PCDHGA4: variants seen among roughly 807,000 people sequenced by gnomAD.
The protein encoded by PCDHGA4 is protocadherin gamma subfamily A, 4.
A neutral mutation model predicts 54.6 loss-of-function variants in PCDHGA4; 38 were observed. The ratio of observed to expected loss-of-function variants is 0.70; its 90% CI spans 0.54 to 0.91. PCDHGA4 has a LOEUF of 0.91. PCDHGA4 is among the 40% of genes least tolerant of loss of function. The pLI, the probability that PCDHGA4 is intolerant of heterozygous loss-of-function variation, is 0.00. For missense variants in PCDHGA4, 1,298 were observed against 1,220.9 expected, an observed-to-expected ratio of 1.06 and a Z score of -0.94; for synonymous variants, 511 against 512.9, an observed-to-expected ratio of 1.00 and a Z score of 0.05.
intron 1 of PCDHGA4, among the ~76,000 whole-genome samples, chr5:141,363,049 C>G (rs1004145167): frequency 2.6e-5 from 4 of 152,206 alleles, no homozygotes; most frequent in Admixed American, 1.3e-4. Flanking sequence ...AAGACCAACA[C>G]TCAGTAAGCT....
intron 1 of PCDHGA4, among the ~76,000 whole-genome samples, chr5:141,438,619 TATATATATATATATATAC>T (rs1380852637): frequency 0.021 from 829 of 39,644 alleles, 15 homozygotes; most frequent in East Asian, 0.054. Context: ...TATATATATA[TATATATATATATATATAC>T]ACACACACAC....
intron 1 of PCDHGA4, chr5:141,413,602 G>A (rs1561743581): frequency 6.2e-7 from 1 of 1,613,860 alleles, no homozygotes; most frequent in Non-Finnish European, 8.5e-7. Flanking sequence ...AGAAAATCTA[G>A]ACGTAAAAAT....
chr5:141,403,687 G>A, intron 1 of PCDHGA4: 1 of 1,613,872 alleles, frequency 6.2e-7, no homozygotes, highest in East Asian at 2.2e-5. Context: ...TTGCTCAACG[G>A]ATTTACCGAG....
chr5:141,380,369 A>G (rs1776432009), intron 1 of PCDHGA4, among the ~76,000 whole-genome samples: 1 of 152,238 alleles, frequency 6.6e-6, no homozygotes, highest in Non-Finnish European at 1.5e-5. Context: ...TAGAAAAAAA[A>G]GTCCCAAAAA....
chr5:141,408,641 T>C, intron 1 of PCDHGA4: 1 of 1,614,034 alleles, frequency 6.2e-7, no homozygotes, highest in Non-Finnish European at 8.5e-7. Context: ...CGAATCTGCA[T>C]CCGCTGGTAC....
rs762926348 is a variant in PCDHGA4, at chr5:141,408,364, A to C, written c.2514+50743A>C. ...TGGTGGGGAACCTCGCTAAGGATCTAGGGCTCAGTGTCCTGGATGTGTCGG... is the reference window on the plus strand; with the variant it reads ...TGGTGGGGAACCTCGCTAAGGATCTCGGGCTCAGTGTCCTGGATGTGTCGG... On this transcript the variant is annotated intron_variant, in intron 1 of 3. Transcript: ENST00000571252. 3.7e-6 allele frequency: 6 copies of C among 1,613,960 alleles called. No individual in the cohort carries two copies. In the East Asian group the frequency reaches 1.3e-4, roughly 36 times the overall value.
chr5:141,489,425 G>T lies in PCDHGA4; in HGVS notation c.2515-5382G>T, dbSNP rs779739693. 6.2e-7 allele frequency: 1 copy of T among 1,614,118 alleles called. No homozygotes were observed. The highest frequency in any genetic ancestry group is 8.5e-7 in the Non-Finnish European group (1 of 1,180,030). The stretch of plus-strand genomic sequence containing the variant: ...TTAAAGATGACAGATCTGTTGAGCC[G>T]GCGGCTGCAATTGGGCTCTGAGGAG... On this transcript the variant is annotated intron_variant, in intron 1 of 3. Transcript: ENST00000571252. This position sits in a 1 kb window ranked among gnomAD's most constrained non-coding sequence, Gnocchi z 4.5.
In PCDHGA4 at chr5:141,415,715, T is replaced by G. The variant is rs1051923200; in HGVS notation, c.2514+58094T>G. 4 of 1,428,132 alleles carry G rather than the reference T, an allele frequency of 2.8e-6. No individual in the cohort carries two copies. In the African/African-American group the frequency reaches 4.5e-5, roughly 16 times the overall value. The allele number at this position is 1,428,132 out of a possible 1,614,324, so 88.5% of individuals were successfully genotyped here. Reference sequence around the variant, plus strand: ...GAAAGTGTAAATGCTAAAACACTGATGAGTAGAATTTGATGTTTATTAAGG... The same window carrying G: ...GAAAGTGTAAATGCTAAAACACTGAGGAGTAGAATTTGATGTTTATTAAGG... On this transcript the variant is annotated intron_variant, in intron 1 of 3. Transcript: ENST00000571252.
chr5:141,415,017 G>A lies in PCDHGA4; in HGVS notation c.2514+57396G>A, dbSNP rs1344566574. ...CCTGGCTGTCCTACCGTCTGCTCAA[G>A]GCCAGCGAGCCGGGACTCTTCGCGG... On this transcript the variant is annotated intron_variant, in intron 1 of 3. Transcript: ENST00000571252. The A allele has an allele frequency of 1.9e-6, 3 of 1,613,574 alleles. No homozygotes were observed. In the Admixed American group the frequency reaches 5.0e-5, roughly 27 times the overall value.
intron 1 of PCDHGA4, chr5:141,388,774 G>A: frequency 3.1e-6 from 5 of 1,613,878 alleles, no homozygotes; most frequent in Non-Finnish European, 4.2e-6. Flanking sequence ...TCTAACACCG[G>A]GGAAATTACT....
intron 1 of PCDHGA4, among the ~76,000 whole-genome samples, chr5:141,401,891 T>C (rs1196463391): frequency 6.6e-6 from 1 of 152,200 alleles, no homozygotes; most frequent in Non-Finnish European, 1.5e-5. Context: ...TTTTGTGTTC[T>C]TTTTCCCAAA....
chr5:141,485,525 C>A lies in PCDHGA4; in HGVS notation c.2515-9282C>A. On this transcript the variant is annotated intron_variant, in intron 1 of 3. Transcript: ENST00000571252. This position sits in a 1 kb window ranked among gnomAD's most constrained non-coding sequence, Gnocchi z 5.7. ...CACCGAAGGTCCTTTGGAAATGTAC[C>A]GAGCAGAGGTAGAGATCGTAGATGT... The A allele has an allele frequency of 5.6e-6, 9 of 1,614,122 alleles. No individual in the cohort carries two copies. Among genetic ancestry groups the A allele is most frequent in the Non-Finnish European group, 7.6e-6 (9 of 1,180,022 alleles).
chr5:141,364,605 G>C (rs1380468665), intron 1 of PCDHGA4: 7 of 1,614,186 alleles, frequency 4.3e-6, no homozygotes, highest in South Asian at 1.1e-5. Flanking sequence ...AGGATAGACC[G>C]GGAGGAGCTC....
Position 141,493,775 on chromosome 5 carries a change from G to A in PCDHGA4, c.2515-1032G>A, listed in dbSNP as rs1434978072. ...CCTTGAGTGAGCCACTGGCAGTTCCGGAGCTTCCTTCTCCCTGGAGTAATC... is the reference window on the plus strand; with the variant it reads ...CCTTGAGTGAGCCACTGGCAGTTCCAGAGCTTCCTTCTCCCTGGAGTAATC... On this transcript the variant is annotated intron_variant, in intron 1 of 3. Coordinates refer to ENST00000571252, the MANE Select transcript of PCDHGA4 (RefSeq NM_018917.4). The surrounding 1 kb of genome is among the most constrained non-coding windows in gnomAD (Gnocchi z 4.3). Among the ~76,000 whole-genome samples, 1 of 152,094 alleles carries A rather than the reference G, an allele frequency of 6.6e-6. No individual in the cohort carries two copies. The highest frequency in any genetic ancestry group is 6.5e-5 in the Admixed American group (1 of 15,272).
chr5:141,489,837 G>A lies in PCDHGA4; in HGVS notation c.2515-4970G>A. 6.2e-7 allele frequency: 1 copy of A among 1,614,204 alleles called. No individual in the cohort carries two copies. ...TCCCAGAGCTGGTGCTAGAGCAGCAGCTGGATCGTGAAGCCCAGGCAAGAC... is the reference window on the plus strand; with the variant it reads ...TCCCAGAGCTGGTGCTAGAGCAGCAACTGGATCGTGAAGCCCAGGCAAGAC... On this transcript the variant is annotated intron_variant, in intron 1 of 3. Transcript: ENST00000571252. This position sits in a 1 kb window ranked among gnomAD's most constrained non-coding sequence, Gnocchi z 4.5.
In PCDHGA4 at chr5:141,431,464, G is replaced by C. The variant is rs1413324509; in HGVS notation, c.2515-63343G>C. On this transcript the variant is annotated intron_variant, in intron 1 of 3. Coordinates refer to ENST00000571252, the MANE Select transcript of PCDHGA4 (RefSeq NM_018917.4). This position sits in a 1 kb window ranked among gnomAD's most constrained non-coding sequence, Gnocchi z 4.8. ...GCATCCGCGTGATGGTTCTGGATGCGAACGACAACGCACCAGCGTTTGCTC... is the reference window on the plus strand; with the variant it reads ...GCATCCGCGTGATGGTTCTGGATGCCAACGACAACGCACCAGCGTTTGCTC... The C allele has an allele frequency of 6.2e-7, 1 of 1,613,664 alleles. No individual in the cohort carries two copies. Among genetic ancestry groups the C allele is most frequent in the African/African-American group, 1.3e-5 (1 of 74,950 alleles).
chr5:141,499,731 C>T (rs2099794093), intron 2 of PCDHGA4, among the ~76,000 whole-genome samples: 1 of 138,132 alleles, frequency 7.2e-6, no homozygotes, highest in African/African-American at 2.7e-5. Context: ...GTCTCACTCT[C>T]TTGCCCAGGC....
Position 141,370,599 on chromosome 5 carries a change from A to G in PCDHGA4, c.2514+12978A>G, listed in dbSNP as rs987021743. On this transcript the variant is annotated intron_variant, in intron 1 of 3. Transcript: ENST00000571252. ...TTTACCTACTAGGAACCTGCGGGTT[A>G]TTGCAGAGAAGAAATTCTTTACCGT... is the stretch of plus-strand genomic sequence containing the variant. 11 of 1,613,848 alleles carry G rather than the reference A, an allele frequency of 6.8e-6. No homozygotes were observed. The African/African-American group carries it at 1.2e-4, about 18-fold the overall frequency.
At chr5:141,384,811 C>A (rs1273757599) in intron 1 of PCDHGA4, 1 of 1,613,338 alleles carries the variant, frequency 6.2e-7, no homozygotes, top group Admixed American at 1.7e-5. Context: ...CAGAGATGCC[C>A]TCAAGCAGAG....
Sources: gnomAD v4.1 joint callset for allele counts (sites outside exome capture counted in the v4.1 genomes callset) on GRCh38, gnomAD v4.1.1 for gene constraint, Gnocchi (gnomAD v3.1) non-coding constraint, MANE v1.5 for transcripts, NCBI Gene and HGNC (gene_info 2026-07-23, HGNC 2026-07-21) for gene names.